ASTN2: variants seen among roughly 807,000 people sequenced by gnomAD.
ASTN2 encodes astrotactin 2, also known as astrotactin-2.
Under a neutral mutation model 139.8 loss-of-function variants are expected in ASTN2, and 54 were observed. That is an observed-to-expected ratio of 0.39 (90% CI 0.31 to 0.48). The LOEUF is 0.48. Ranked by LOEUF, ASTN2 falls within the 20% of genes least tolerant of loss-of-function variation. The pLI, the probability that ASTN2 is intolerant of heterozygous loss-of-function variation, is 0.95. For missense variants in ASTN2, 1,565 were observed against 1,725.1 expected (o/e 0.91, Z 1.64); for synonymous variants, 756 against 719.5 (o/e 1.05, Z -0.81).
Position 117,108,438 on chromosome 9 carries a change from AACACACACAC to A in ASTN2, c.1169-12297_1169-12288del, listed in dbSNP as rs3041147. 1.2e-4 allele frequency among the ~76,000 whole-genome samples: 17 copies of A among 145,346 alleles called. No homozygotes were observed. In the East Asian group the frequency reaches 1.9e-3, roughly 16 times the overall value. ...TTTGGAAAAAAACAAAACAAAACAA[AACACACACAC>A]ACACACACACACACACACACACATT... On this transcript the variant is annotated intron_variant, in intron 4 of 22. Coordinates refer to ENST00000313400, the MANE Select transcript of ASTN2 (RefSeq NM_001365068.1).
At chr9:117,307,758 G>A (rs1324280719) in intron 1 of ASTN2, among the ~76,000 whole-genome samples, 1 of 152,196 alleles carries the variant, frequency 6.6e-6, no homozygotes, top group Admixed American at 6.5e-5. Context: ...GCCCTCATGT[G>A]TGTCCTCAAA....
intron 2 of ASTN2, among the ~76,000 whole-genome samples, chr9:117,258,830 C>T (rs1171011802): frequency 1.3e-5 from 2 of 152,066 alleles, no homozygotes; most frequent in African/African-American, 2.4e-5. Context: ...TTTTCTCTGC[C>T]TCACCTGTAT....
chr9:117,362,494 T>C (rs1012597862), intron 1 of ASTN2, among the ~76,000 whole-genome samples: 1 of 152,102 alleles, frequency 6.6e-6, no homozygotes, highest in African/African-American at 2.4e-5. Flanking sequence ...GGGTATTTAT[T>C]ATCCTCCCTC....
intron 1 of ASTN2, among the ~76,000 whole-genome samples, chr9:117,376,041 G>A (rs1451461068): frequency 6.6e-6 from 1 of 152,128 alleles, no homozygotes; most frequent in Non-Finnish European, 1.5e-5. Context: ...AGATAATCCA[G>A]TATAATCTTT....
chr9:117,352,928 G>A (rs1322691765), intron 1 of ASTN2, among the ~76,000 whole-genome samples: 1 of 152,142 alleles, frequency 6.6e-6, no homozygotes, highest in Non-Finnish European at 1.5e-5. Context: ...GATGGAGTAA[G>A]TGACTTCACT....
chr9:117,260,491 C>T (rs1253750024), intron 2 of ASTN2, among the ~76,000 whole-genome samples: 1 of 152,122 alleles, frequency 6.6e-6, no homozygotes, highest in Non-Finnish European at 1.5e-5. Context: ...TTAGTGCATA[C>T]ATAAATCCCC....
intron 1 of ASTN2, among the ~76,000 whole-genome samples, chr9:117,379,522 C>G (rs902084764): frequency 5.9e-5 from 9 of 152,144 alleles, no homozygotes; most frequent in African/African-American, 1.7e-4. Context: ...GTTAAGCCTT[C>G]GAAGGCCTCC....
intron 19 of ASTN2, among the ~76,000 whole-genome samples, chr9:116,602,630 G>C (rs1171054826): frequency 1.3e-5 from 2 of 152,058 alleles, no homozygotes; most frequent in East Asian, 1.9e-4. Flanking sequence ...GGGTATTATG[G>C]GTTTAAGAAT....
chr9:116,682,275 A>T (rs901344831), intron 16 of ASTN2, among the ~76,000 whole-genome samples: 1 of 152,248 alleles, frequency 6.6e-6, no homozygotes, highest in Non-Finnish European at 1.5e-5. Flanking sequence ...ACATGAAAAA[A>T]TGCTCACCAT....
intron 19 of ASTN2, among the ~76,000 whole-genome samples, chr9:116,604,531 G>C (rs1027627957): frequency 6.6e-6 from 1 of 152,140 alleles, no homozygotes; most frequent in Non-Finnish European, 1.5e-5. Context: ...CCCGGAGTAA[G>C]CAGAGAGCAG....
chr9:116,632,252 G>GGAAGGAAAGAAAGAAA (rs1554723352), intron 17 of ASTN2, among the ~76,000 whole-genome samples: 1 of 70,916 alleles, frequency 1.4e-5, no homozygotes, highest in African/African-American at 7.1e-5. Flanking sequence ...AAAGAAAGAA[G>GGAAGGAAAGAAAGAAA]GAAAGAAAGA....
At chr9:117,045,657 GA>G (rs1160690840) in intron 5 of ASTN2, among the ~76,000 whole-genome samples, 1 of 152,114 alleles carries the variant, frequency 6.6e-6, no homozygotes, top group African/African-American at 2.4e-5. Flanking sequence ...GTTGAGAGGA[GA>G]AAATGAAATT....
At chr9:117,292,127 A>G (rs1226285211) in intron 1 of ASTN2, among the ~76,000 whole-genome samples, 5 of 152,186 alleles carry the variant, frequency 3.3e-5, no homozygotes, top group South Asian at 4.1e-4. Flanking sequence ...AAATGTTGGC[A>G]TAAAGTTTCC....
chr9:117,335,854 T>C (rs1481774241), intron 1 of ASTN2, among the ~76,000 whole-genome samples: 1 of 152,242 alleles, frequency 6.6e-6, no homozygotes, highest in Middle Eastern at 3.4e-3. Flanking sequence ...CATATCTATG[T>C]GTACCCAGAG....
chr9:116,425,067 T>G lies in ASTN2; in HGVS notation c.*784A>C, dbSNP rs1357145479. ...CAGCTTGAAATGACCAGACTCCTTC[T>G]CTATAATTTCCACTGGGCAATAAGT... On this transcript the variant is annotated 3_prime_UTR_variant, in exon 23 of 23. Transcript: ENST00000313400. Among the ~76,000 whole-genome samples, 2 of 152,132 alleles carry G rather than the reference T, an allele frequency of 1.3e-5. No individual in the cohort carries two copies. The highest frequency in any genetic ancestry group is 4.8e-5 in the African/African-American group (2 of 41,412).
chr9:116,579,128 A>G (rs1853848132), intron 19 of ASTN2: 1 of 152,138 alleles, frequency 6.6e-6, no homozygotes, highest in Admixed American at 6.5e-5. Context: ...GACTACACCC[A>G]CTAACTCATT....
At chr9:116,929,785 C>T (rs959878832) in intron 10 of ASTN2, among the ~76,000 whole-genome samples, 2 of 152,170 alleles carry the variant, frequency 1.3e-5, no homozygotes, top group African/African-American at 4.8e-5. Context: ...TCTATTTCTT[C>T]CCTCTTAATT....
chr9:116,840,358 T>C (rs1588341176), intron 11 of ASTN2, among the ~76,000 whole-genome samples: 1 of 151,148 alleles, frequency 6.6e-6, no homozygotes, highest in Admixed American at 6.6e-5. Context: ...AAGCCGCGAT[T>C]GTCATCCTGG....
At chr9:116,634,737 A>G (rs571090037) in intron 17 of ASTN2, among the ~76,000 whole-genome samples, 1 of 152,310 alleles carries the variant, frequency 6.6e-6, no homozygotes, top group East Asian at 1.9e-4. Context: ...TATTGAGAAA[A>G]CAATATGGCA....
Sources: gnomAD v4.1 joint callset for allele counts (sites outside exome capture counted in the v4.1 genomes callset) on GRCh38, gnomAD v4.1.1 for gene constraint, MANE v1.5 for transcripts, NCBI Gene and HGNC (gene_info 2026-07-23, HGNC 2026-07-21) for gene names.